Variants in NHSL2 observed in about 807,000 individuals in gnomAD.
NHSL2 encodes NHS like 2, also known as NHS-like protein 2.
A neutral mutation model predicts 53.4 loss-of-function variants in NHSL2; 27 were observed. The observed-to-expected ratio is 0.51, with a 90% CI of 0.37 to 0.70. The LOEUF (loss-of-function observed/expected upper bound fraction) is 0.70. Among genes scored for constraint, NHSL2 ranks in the 30% least tolerant of loss-of-function variants. NHSL2 has a pLI of 0.00. For missense variants in NHSL2, 892 were observed against 980.1 expected (o/e 0.91, Z 1.20); for synonymous variants, 408 against 404.1 (o/e 1.01, Z -0.12).
chrX:72,070,515 T>C (rs1247169726), intron 1 of NHSL2, among the ~76,000 whole-genome samples: 1 of 111,629 alleles, frequency 9.0e-6, no homozygotes, highest in Non-Finnish European at 1.9e-5. Flanking sequence ...CTAGCTCACC[T>C]TCCCAGGCGG....
intron 1 of NHSL2, among the ~76,000 whole-genome samples, chrX:71,982,696 G>A (rs933443209): frequency 6.2e-5 from 7 of 112,335 alleles, no homozygotes; most frequent in African/African-American, 1.3e-4. Context: ...AGCTGAACAC[G>A]TGAAGATTCA....
At chrX:71,982,641 C>G (rs2041984763) in intron 1 of NHSL2, among the ~76,000 whole-genome samples, 1 of 111,736 alleles carries the variant, frequency 8.9e-6, no homozygotes, top group South Asian at 3.8e-4. Context: ...CATAATGAAG[C>G]CTCCACAAAA....
intron 1 of NHSL2, among the ~76,000 whole-genome samples, chrX:72,086,647 G>C (rs979438318): frequency 4.8e-5 from 4 of 83,906 alleles, no homozygotes; most frequent in Non-Finnish European, 6.4e-5. Context: ...TTATGCCACT[G>C]TACTCCAGCC....
chrX:72,034,420 G>A (rs1334924139), intron 1 of NHSL2, among the ~76,000 whole-genome samples: 2 of 111,625 alleles, frequency 1.8e-5, no homozygotes, highest in East Asian at 2.8e-4. Flanking sequence ...GTCTAGTTAG[G>A]TATCAGGGTA....
intron 1 of NHSL2, among the ~76,000 whole-genome samples, chrX:71,943,348 A>T (rs2041777671): frequency 8.9e-6 from 1 of 112,286 alleles, no homozygotes; most frequent in Admixed American, 9.4e-5. Flanking sequence ...ATCTTCCTTA[A>T]GCACAACTTT....
chrX:72,075,695 A>G (rs191192731), intron 1 of NHSL2, among the ~76,000 whole-genome samples: 34 of 111,715 alleles, frequency 3.0e-4, no homozygotes, highest in Non-Finnish European at 5.1e-4. Flanking sequence ...GTTGGAATTA[A>G]TAGTGCCTAC....
intron 1 of NHSL2, among the ~76,000 whole-genome samples, chrX:72,031,520 A>G (rs2147910379): frequency 8.9e-6 from 1 of 112,609 alleles, no homozygotes; most frequent in South Asian, 3.7e-4. Flanking sequence ...ATTAAGAATT[A>G]TTAACAACTA....
Position 72,115,257 on chromosome X carries a change from G to A in NHSL2, c.281-16822G>A, listed in dbSNP as rs540337758. ...CTGAACCAGTTTGTTCTCCATGTCC[G>A]GCAATCAATTTTCAGATGAGCTGGT... is the stretch of plus-strand genomic sequence containing the variant. On this transcript the variant is annotated intron_variant, in intron 1 of 7. Coordinates refer to ENST00000633930, the MANE Select transcript of NHSL2 (RefSeq NM_001013627.3). Among the ~76,000 whole-genome samples, 26 of 110,009 alleles carry A rather than the reference G, an allele frequency of 2.4e-4. No homozygotes were observed. In the Admixed American group the frequency reaches 2.4e-3, roughly 10 times the overall value.
At chrX:72,108,852 C>T (rs1602375303) in intron 1 of NHSL2, among the ~76,000 whole-genome samples, 4 of 111,586 alleles carry the variant, frequency 3.6e-5, no homozygotes, top group East Asian at 2.8e-4. Context: ...CATAGACCCT[C>T]CAACAGCTTT....
intron 1 of NHSL2, among the ~76,000 whole-genome samples, chrX:72,118,660 G>T (rs1423843090): frequency 9.0e-6 from 1 of 111,709 alleles, no homozygotes; most frequent in Non-Finnish European, 1.9e-5. Flanking sequence ...TCCTGGCCTC[G>T]AGTGATCCTC....
chrX:72,070,394 C>A (rs999114845), intron 1 of NHSL2, among the ~76,000 whole-genome samples: 4 of 111,019 alleles, frequency 3.6e-5, no homozygotes, highest in African/African-American at 1.3e-4. Context: ...CTGCTTTGCC[C>A]CTTCCTTGCC....
At chrX:72,034,460 T>TC (rs1300355880) in intron 1 of NHSL2, among the ~76,000 whole-genome samples, 1 of 111,734 alleles carries the variant, frequency 8.9e-6, no homozygotes, top group African/African-American at 3.3e-5. Context: ...TGAGGAGTGT[T>TC]CCCCCCTTTT....
chrX:71,996,581 T>C (rs886192112), intron 1 of NHSL2, among the ~76,000 whole-genome samples: 7 of 112,606 alleles, frequency 6.2e-5, no homozygotes, highest in Non-Finnish European at 1.3e-4. Context: ...TATCAAGCAT[T>C]TGTTACATTA....
intron 1 of NHSL2, among the ~76,000 whole-genome samples, chrX:72,109,656 A>G (rs1432580598): frequency 1.8e-5 from 2 of 110,539 alleles, no homozygotes; most frequent in Non-Finnish European, 3.8e-5. Flanking sequence ...TTTAGTAGAG[A>G]CGGGGTTTCA....
intron 1 of NHSL2, among the ~76,000 whole-genome samples, chrX:72,002,615 C>CA (rs1429331241): frequency 9.0e-6 from 1 of 111,563 alleles, no homozygotes; most frequent in Non-Finnish European, 1.9e-5. Context: ...AGAGCCTATC[C>CA]AGTAGGACTG....
chrX:71,999,469 A>G (rs181596950), intron 1 of NHSL2, among the ~76,000 whole-genome samples: 1 of 112,441 alleles, frequency 8.9e-6, no homozygotes, highest in East Asian at 2.8e-4. Flanking sequence ...TGTTAAATAC[A>G]GCCATCATTA....
intron 1 of NHSL2, chrX:72,044,662 G>C: frequency 8.6e-7 from 1 of 1,167,280 alleles, no homozygotes; most frequent in Non-Finnish European, 1.2e-6. Context: ...TAAGAAATTC[G>C]TCATTCGAAA....
At chrX:72,093,333 C>T (rs2041912949) in intron 1 of NHSL2, among the ~76,000 whole-genome samples, 1 of 112,280 alleles carries the variant, frequency 8.9e-6, no homozygotes, top group African/African-American at 3.2e-5. Context: ...GGACTGTTTA[C>T]CCAGATATAT....
intron 1 of NHSL2, among the ~76,000 whole-genome samples, chrX:72,102,402 G>C (rs2042002372): frequency 8.9e-6 from 1 of 111,945 alleles, no homozygotes; most frequent in South Asian, 3.7e-4. Flanking sequence ...GACAGACTTA[G>C]TTCAAGTCTC....
Sources: allele counts gnomAD v4.1 joint callset (sites outside exome capture counted in the v4.1 genomes callset), GRCh38; gene constraint gnomAD v4.1.1; transcripts MANE v1.5; gene names NCBI Gene and HGNC (gene_info 2026-07-23, HGNC 2026-07-21).